Variants in TRABD2B observed in about 807,000 individuals in gnomAD.
TRABD2B encodes metalloprotease TIKI2.
TRABD2B carries 14 observed loss-of-function variants against 40.1 expected under a neutral mutation model. The observed-to-expected ratio is 0.35, with a 90% CI of 0.23 to 0.55. The LOEUF (loss-of-function observed/expected upper bound fraction) is 0.55, where lower values mean the gene tolerates loss of function less well. Ranked by LOEUF, TRABD2B falls within the 20% of genes least tolerant of loss-of-function variation. TRABD2B has a pLI of 0.90. For missense variants in TRABD2B, 541 were observed against 648.6 expected (o/e 0.83, Z 1.80); for synonymous variants, 263 against 277.0 (o/e 0.95, Z 0.50).
intron 2 of TRABD2B, among the ~76,000 whole-genome samples, chr1:47,984,948 T>C (rs1251426821): frequency 6.6e-6 from 1 of 152,230 alleles, no homozygotes; most frequent in Non-Finnish European, 1.5e-5. Flanking sequence ...TGGCACTCAG[T>C]AGGAACTAAC....
intron 5 of TRABD2B, 116 bp from the exon 6 acceptor site, chr1:47,775,555 C>T (rs1644434279): frequency 2.7e-6 from 3 of 1,098,950 alleles, no homozygotes; most frequent in East Asian, 3.2e-5. Context: ...TGCCAGGGTG[C>T]CCCTGCTGGG....
chr1:47,952,947 T>C (rs1003734664), intron 2 of TRABD2B, among the ~76,000 whole-genome samples: 2 of 152,104 alleles, frequency 1.3e-5, no homozygotes, highest in Non-Finnish European at 1.5e-5. Context: ...TGCCCTGTCT[T>C]TTGGGACAGC....
intron 2 of TRABD2B, among the ~76,000 whole-genome samples, chr1:47,933,458 G>C (rs1397078263): frequency 6.6e-6 from 1 of 152,052 alleles, no homozygotes; most frequent in African/African-American, 2.4e-5. Context: ...GCAGCAATGA[G>C]TTTCTGATAG....
Position 47,846,934 on chromosome 1 carries a change from G to A in TRABD2B, c.667-45315C>T, listed in dbSNP as rs77971337. 4.4e-3 allele frequency among the ~76,000 whole-genome samples: 661 copies of A among 149,148 alleles called. 8 individuals are homozygous for A. Among genetic ancestry groups the A allele is most frequent in the African/African-American group, 0.016 (649 of 40,600 alleles). On this transcript the variant is annotated intron_variant, in intron 2 of 6. Transcript: ENST00000606738. ...GTGCCCTCTGACCCTCAGCTCGATA[G>A]CTACCTCCTGGGCAGTGATCTGCGG...
intron 2 of TRABD2B, among the ~76,000 whole-genome samples, chr1:47,970,545 T>C (rs527896249): frequency 6.6e-6 from 1 of 152,342 alleles, no homozygotes; most frequent in Non-Finnish European, 1.5e-5. Flanking sequence ...GTCCTGCCCT[T>C]GCCTGAAATG....
chr1:47,920,985 T>C (rs1490246007), intron 2 of TRABD2B, among the ~76,000 whole-genome samples: 5 of 152,198 alleles, frequency 3.3e-5, no homozygotes, highest in African/African-American at 1.2e-4. Flanking sequence ...GCTGCACAAC[T>C]GCCTTAACTA....
intron 2 of TRABD2B, among the ~76,000 whole-genome samples, chr1:47,875,877 C>T (rs1189469185): frequency 6.6e-6 from 1 of 151,050 alleles, no homozygotes; most frequent in Non-Finnish European, 1.5e-5. Flanking sequence ...GTGGCCACAG[C>T]CCTGGCCTCT....
At chr1:47,919,931 G>C (rs142137112) in intron 2 of TRABD2B, among the ~76,000 whole-genome samples, 1 of 152,338 alleles carries the variant, frequency 6.6e-6, no homozygotes, top group Non-Finnish European at 1.5e-5. Flanking sequence ...ATGTCGCACT[G>C]AGCATTAGTG....
intron 2 of TRABD2B, among the ~76,000 whole-genome samples, chr1:47,933,122 T>C (rs1645061706): frequency 7.6e-6 from 1 of 132,254 alleles, no homozygotes; most frequent in Middle Eastern, 4.1e-3. Context: ...TTTTTTTTTT[T>C]TGAGACGCAG....
chr1:47,773,878 T>C (rs1334721622), intron 6 of TRABD2B, among the ~76,000 whole-genome samples: 1 of 152,230 alleles, frequency 6.6e-6, no homozygotes, highest in Non-Finnish European at 1.5e-5. Context: ...CTTTTAAAGA[T>C]AGTGTGTACC....
chr1:47,875,959 CAT>C (rs1644219987), intron 2 of TRABD2B, among the ~76,000 whole-genome samples: 1 of 152,182 alleles, frequency 6.6e-6, no homozygotes, highest in African/African-American at 2.4e-5. Flanking sequence ...TGCATCAGCA[CAT>C]GATGTATATT....
intron 2 of TRABD2B, among the ~76,000 whole-genome samples, chr1:47,927,994 A>G (rs1387556270): frequency 6.6e-6 from 1 of 152,204 alleles, no homozygotes; most frequent in African/African-American, 2.4e-5. Flanking sequence ...CTTGTCAGAA[A>G]TGCTGACTCT....
chr1:47,863,372 T>TTTTATATATATATATATATATATATA (rs1553159661), intron 2 of TRABD2B, among the ~76,000 whole-genome samples: 63 of 66,458 alleles, frequency 9.5e-4, no homozygotes, highest in East Asian at 2.6e-3. Context: ...CTATATAATT[T>TTTTATATATATATATATATATATATA]TATATATATA....
At chr1:47,805,553 T>C (rs1644880219) in intron 2 of TRABD2B, among the ~76,000 whole-genome samples, 1 of 152,174 alleles carries the variant, frequency 6.6e-6, no homozygotes, top group Admixed American at 6.5e-5. Context: ...CTCTGTTTCC[T>C]GCTGAATCCC....
rs555714736 is a variant in TRABD2B at position 47,774,072 on chromosome 1, G to C, written c.1349+1098C>G. Among the ~76,000 whole-genome samples, 75 of 152,212 alleles carry C rather than the reference G, an allele frequency of 4.9e-4. 1 individual carries two copies. The highest frequency in any genetic ancestry group is 1.8e-3 in the African/African-American group (73 of 41,524). ...ATCTATAATGCACAGTGTAGTCAGG[G>C]CTTCCCACAGCTGCTCAGAAGAATC... On this transcript the variant is annotated intron_variant, in intron 6 of 6. Transcript: ENST00000606738.
chr1:47,904,637 C>T (rs1324251244), intron 2 of TRABD2B, among the ~76,000 whole-genome samples: 1 of 152,132 alleles, frequency 6.6e-6, no homozygotes, highest in East Asian at 1.9e-4. Flanking sequence ...CAGGATCATG[C>T]ACTCCCAAGG....
At chr1:47,875,292 G>A (rs940024526) in intron 2 of TRABD2B, among the ~76,000 whole-genome samples, 3 of 151,472 alleles carry the variant, frequency 2.0e-5, no homozygotes, top group African/African-American at 7.3e-5. Context: ...TAGGAGCTGA[G>A]AGTGTTCTTT....
At chr1:47,800,089 C>T (rs775324550) in intron 3 of TRABD2B, among the ~76,000 whole-genome samples, 7 of 152,096 alleles carry the variant, frequency 4.6e-5, no homozygotes, top group Non-Finnish European at 8.8e-5. Flanking sequence ...AGGGGCTGCT[C>T]CAGCCAGTTG....
At chr1:47,936,385 A>G (rs1489865060) in intron 2 of TRABD2B, among the ~76,000 whole-genome samples, 4 of 152,188 alleles carry the variant, frequency 2.6e-5, no homozygotes, top group African/African-American at 9.6e-5. Context: ...GTGCTGGAGC[A>G]GAAAAACAAC....
Sources: allele counts gnomAD v4.1 joint callset (sites outside exome capture counted in the v4.1 genomes callset), GRCh38; gene constraint gnomAD v4.1.1; transcripts MANE v1.5; gene names NCBI Gene and HGNC (gene_info 2026-07-23, HGNC 2026-07-21).